The following C1QTNF2 variants were observed in gnomAD, a reference collection of about 807,000 sequenced individuals.
C1QTNF2 encodes C1q and TNF related 2.
In C1QTNF2, 15 loss-of-function variants were observed where a neutral mutation model predicts 17.4. The ratio of observed to expected loss-of-function variants is 0.86; its 90% CI spans 0.58 to 1.33. The LOEUF is 1.33. Ranked by LOEUF, C1QTNF2 falls within the 40% of genes most tolerant of loss-of-function variation. The pLI, the probability that C1QTNF2 is intolerant of heterozygous loss-of-function variation, is 0.00. For missense variants in C1QTNF2, 381 were observed against 392.3 expected (o/e 0.97, Z 0.24); for synonymous variants, 154 against 163.3 (o/e 0.94, Z 0.44).
intron 1 of C1QTNF2, among the ~76,000 whole-genome samples, chr5:160,362,353 A>C (rs1485485653): frequency 2.6e-5 from 4 of 152,184 alleles, no homozygotes; most frequent in East Asian, 1.9e-4. Context: ...GAGTGGCACC[A>C]CAGTTCCGGG....
At chr5:160,366,299 C>T (rs137863377) in intron 1 of C1QTNF2, among the ~76,000 whole-genome samples, 83 of 152,276 alleles carry the variant, frequency 5.5e-4, no homozygotes, top group African/African-American at 1.8e-3. Flanking sequence ...TTTGACTGCT[C>T]ACACCTCCCT....
chr5:160,367,566 C>T lies in C1QTNF2; in HGVS notation c.-10+2946G>A, dbSNP rs115536241. Among the ~76,000 whole-genome samples the T allele has an allele frequency of 6.6e-3, 1,001 of 152,310 alleles. 8 individuals carry two copies. The highest frequency in any genetic ancestry group is 0.023 in the African/African-American group (955 of 41,554). ...ACAGAGTGACAACCATGTGAAGACA[C>T]AGCAGATGATGGCCACCTGCAAGCC... On this transcript the variant is annotated intron_variant, in intron 1 of 2. Coordinates refer to ENST00000652664, the MANE Select transcript of C1QTNF2 (RefSeq NM_031908.6).
rs773134321 is a variant in C1QTNF2, at chr5:160,349,177, G to A, written c.849C>T (p.Asn283=). 33 of 1,612,694 alleles carry A rather than the reference G, an allele frequency of 2.0e-5. No homozygotes were observed. In the East Asian group the frequency reaches 2.2e-4, roughly 11 times the overall value. ...GACCGCCGTGGCATGTCTATACCTCGTTGGGGTCATCCTGGTCGGCATAGA... is the reference window on the plus strand; with the variant it reads ...GACCGCCGTGGCATGTCTATACCTCATTGGGGTCATCCTGGTCGGCATAGA... ...FLIYADQDDP[N]EV is the part of the protein sequence containing the mutation. The change falls in exon 3 of 3, where the codon AAC becomes AAT. Residue 283 remains asparagine, a synonymous_variant. Coordinates refer to ENST00000652664, the MANE Select transcript of C1QTNF2 (RefSeq NM_031908.6). The surrounding 1 kb of genome is among the most constrained non-coding windows in gnomAD (Gnocchi z 4.3).
At chr5:160,362,473 C>T (rs1174305585) in intron 1 of C1QTNF2, among the ~76,000 whole-genome samples, 1 of 152,196 alleles carries the variant, frequency 6.6e-6, no homozygotes, top group East Asian at 1.9e-4. Flanking sequence ...CTTGAGAATG[C>T]CCACAGCCCC....
intron 1 of C1QTNF2, among the ~76,000 whole-genome samples, chr5:160,368,992 G>A (rs540017309): frequency 3.3e-5 from 5 of 151,636 alleles, no homozygotes; most frequent in South Asian, 2.1e-4. Flanking sequence ...AAAACATGGC[G>A]AAGACACACT....
intron 1 of C1QTNF2, among the ~76,000 whole-genome samples, chr5:160,365,286 G>A (rs1456923227): frequency 6.6e-6 from 1 of 152,190 alleles, no homozygotes; most frequent in Non-Finnish European, 1.5e-5. Context: ...CTGAGGGAGA[G>A]AAACAGAATC....
chr5:160,359,089 T>C lies in C1QTNF2; in HGVS notation c.-9-4069A>G, dbSNP rs559351414. Among the ~76,000 whole-genome samples the C allele has an allele frequency of 4.6e-5, 7 of 152,322 alleles. No homozygotes were observed. The South Asian group carries it at 6.2e-4, about 14-fold the overall frequency. On this transcript the variant is annotated intron_variant, in intron 1 of 2. Coordinates refer to ENST00000652664, the MANE Select transcript of C1QTNF2 (RefSeq NM_031908.6). Reference sequence around the variant, plus strand: ...CCGCATCCAGCCTGCTGCATTGTTTTATACAAAGCTTACTAGAGCCCTATG... The same window carrying C: ...CCGCATCCAGCCTGCTGCATTGTTTCATACAAAGCTTACTAGAGCCCTATG...
At chr5:160,351,048 C>A (rs1204449027) in intron 2 of C1QTNF2, among the ~76,000 whole-genome samples, 2 of 152,190 alleles carry the variant, frequency 1.3e-5, no homozygotes, top group Non-Finnish European at 2.9e-5. Flanking sequence ...CCACACCTGG[C>A]CCACAGTGCT....
At chr5:160,367,021 C>CAAAA (rs71285021) in intron 1 of C1QTNF2, among the ~76,000 whole-genome samples, 3 of 87,354 alleles carry the variant, frequency 3.4e-5, no homozygotes, top group Admixed American at 1.4e-4. Context: ...AAGACATTGT[C>CAAAA]AAAAAAAAAA....
rs1581030145 is a variant in C1QTNF2 at position 160,349,071 on chromosome 5, A to G, written c.*97T>C. On this transcript the variant is annotated 3_prime_UTR_variant, in exon 3 of 3. Coordinates refer to ENST00000652664, the MANE Select transcript of C1QTNF2 (RefSeq NM_031908.6). The surrounding 1 kb of genome is among the most constrained non-coding windows in gnomAD (Gnocchi z 4.3). ...GGTGAGCCTGAGGCTAGAACCGCTC[A>G]CTCGACCCCCCACCCCCAGCCTACA... The G allele has an allele frequency of 5.5e-6, 8 of 1,467,878 alleles. No individual in the cohort carries two copies. The South Asian group carries it at 1.1e-4, about 20-fold the overall frequency. The allele number at this position is 1,467,878 out of a possible 1,614,324, so 90.9% of individuals were successfully genotyped here. A position where few individuals can be genotyped will look rare whatever the true frequency, so the allele number is the denominator to read the frequency against.
At chr5:160,367,591 C>T (rs934334546) in intron 1 of C1QTNF2, among the ~76,000 whole-genome samples, 1 of 152,150 alleles carries the variant, frequency 6.6e-6, no homozygotes, top group African/African-American at 2.4e-5. Flanking sequence ...ACCTGCAAGC[C>T]ACAGAGAGAG....
chr5:160,351,217 C>T (rs1290609292), intron 2 of C1QTNF2, among the ~76,000 whole-genome samples: 1 of 152,196 alleles, frequency 6.6e-6, no homozygotes, highest in East Asian at 1.9e-4. Context: ...ATAAAATGCA[C>T]ATTTCTCTCA....
chr5:160,368,064 A>G (rs1373740477), intron 1 of C1QTNF2, among the ~76,000 whole-genome samples: 1 of 152,208 alleles, frequency 6.6e-6, no homozygotes, highest in African/African-American at 2.4e-5. Flanking sequence ...CAGGGCCCAG[A>G]GCTCATGTTC....
rs758482370 is a variant in C1QTNF2 at position 160,349,439 on chromosome 5, T to C, written c.587A>G (p.Tyr196Cys). 1.2e-6 allele frequency: 2 copies of C among 1,613,764 alleles called. No individual in the cohort carries two copies. The highest frequency in any genetic ancestry group is 1.1e-5 in the South Asian group (1 of 91,062). Reference sequence around the variant, plus strand: ...GGCCAGCGTGATGTCGTAGGTGAAGTAGTAGATCCCAGGCACGCCGCAGAC... The same window carrying C: ...GGCCAGCGTGATGTCGTAGGTGAAGCAGTAGATCCCAGGCACGCCGCAGAC... ...KFVCGVPGIY[Y>C]FTYDITLANK... The change falls in exon 3 of 3, where the codon TAC becomes TGC. Residue 196 changes from tyrosine (Y) to cysteine (C), a missense_variant. Tyr to Cys is a radical substitution (Grantham distance 194, BLOSUM62 -2). Coordinates refer to ENST00000652664, the MANE Select transcript of C1QTNF2 (RefSeq NM_031908.6). This position sits in a 1 kb window ranked among gnomAD's most constrained non-coding sequence, Gnocchi z 4.3.
At chr5:160,353,834 T>C (rs1199094089) in intron 2 of C1QTNF2, among the ~76,000 whole-genome samples, 1 of 134,032 alleles carries the variant, frequency 7.5e-6, no homozygotes, top group African/African-American at 2.7e-5. Flanking sequence ...GACACTGTCC[T>C]GCTCTGTTTC....
chr5:160,349,352 G>A lies in C1QTNF2; in HGVS notation c.674C>T (p.Ala225Val), dbSNP rs758013330. The A allele has an allele frequency of 6.2e-7, 1 of 1,614,136 alleles. No individual in the cohort carries two copies. Among genetic ancestry groups the A allele is most frequent in the Non-Finnish European group, 8.5e-7 (1 of 1,180,034 alleles). The change falls in exon 3 of 3, where the codon GCC becomes GTC. Residue 225 changes from alanine (A) to valine (V), a missense_variant. Ala to Val is a moderately conservative substitution (Grantham distance 64). Coordinates refer to ENST00000652664, the MANE Select transcript of C1QTNF2 (RefSeq NM_031908.6). This position sits in a 1 kb window ranked among gnomAD's most constrained non-coding sequence, Gnocchi z 4.3. ...NGQYRIRTFD[A>V]NTGNHDVASG... ...GGCCACATCGTGGTTGCCGGTGTTG[G>A]CATCAAAGGTCCGGATGCGGTACTG...
chr5:160,353,119 C>T (rs534634490), intron 2 of C1QTNF2, among the ~76,000 whole-genome samples: 1 of 152,278 alleles, frequency 6.6e-6, no homozygotes, highest in South Asian at 2.1e-4. Flanking sequence ...AACTGAATCA[C>T]TCTGACTCTC....
At chr5:160,357,812 C>T (rs892329831) in intron 1 of C1QTNF2, among the ~76,000 whole-genome samples, 3 of 149,522 alleles carry the variant, frequency 2.0e-5, no homozygotes, top group Non-Finnish European at 4.4e-5. Context: ...GCCAGCCGGA[C>T]GAGAGAGAGG....
At position 160,354,866 on chromosome 5, in the gene C1QTNF2, C is replaced by G. The variant is rs1367183343; in HGVS notation, c.146G>C (p.Gly49Ala). 2 of 1,608,964 alleles carry G rather than the reference C, an allele frequency of 1.2e-6. No individual in the cohort carries two copies. Among genetic ancestry groups the G allele is most frequent in the Non-Finnish European group, 1.7e-6 (2 of 1,178,026 alleles). The change falls in exon 2 of 3, where the codon GGA (glycine) becomes GCA (alanine). Residue 49 changes from glycine to alanine, a missense_variant. Transcript: ENST00000652664. Reference sequence around the variant, plus strand: ...CATCATTCCTGAGGGCCCTGGGGCTCCTGGGGGGCCGGGTGGGCCCTGGGG... The same window carrying G: ...CATCATTCCTGAGGGCCCTGGGGCTGCTGGGGGGCCGGGTGGGCCCTGGGG... The part of the protein sequence containing the change: ...PGPQGPPGPP[G>A]APGPSGMMGR...
Sources: gnomAD v4.1 joint callset for allele counts (sites outside exome capture counted in the v4.1 genomes callset) on GRCh38, gnomAD v4.1.1 for gene constraint, Gnocchi (gnomAD v3.1) non-coding constraint, MANE v1.5 for transcripts, NCBI Gene and HGNC (gene_info 2026-07-23, HGNC 2026-07-21) for gene names.